SIPA1L3: variants seen among roughly 807,000 people sequenced by gnomAD.
SIPA1L3 encodes the protein signal-induced proliferation-associated 1-like protein 3.
SIPA1L3 carries 59 observed loss-of-function variants against 150.1 expected under a neutral mutation model. That is an observed-to-expected ratio of 0.39 (90% CI 0.32 to 0.49). SIPA1L3 has a LOEUF of 0.49. SIPA1L3 is among the 20% of genes least tolerant of loss of function. The pLI is 0.86. For synonymous variants in SIPA1L3, 1,070 were observed against 1,077.6 expected (o/e 0.99, Z 0.14); for missense variants, 2,211 against 2,489.5 (o/e 0.89, Z 2.38).
chr19:38,090,529 G>C (rs1970236403), intron 4 of SIPA1L3, among the ~76,000 whole-genome samples: 1 of 152,178 alleles, frequency 6.6e-6, no homozygotes, highest in South Asian at 2.1e-4. Context: ...AGAGCTCCCT[G>C]GAGGAGGAGG....
At chr19:37,983,001 C>T (rs988120543) in intron 1 of SIPA1L3, among the ~76,000 whole-genome samples, 6 of 152,222 alleles carry the variant, frequency 3.9e-5, no homozygotes, top group African/African-American at 7.2e-5. Flanking sequence ...TCTACCCCGA[C>T]ATCCCAGCCA....
At chr19:38,186,458 G>A (rs576610407) in intron 16 of SIPA1L3, among the ~76,000 whole-genome samples, 12 of 151,310 alleles carry the variant, frequency 7.9e-5, no homozygotes, top group South Asian at 4.2e-4. Flanking sequence ...GACTACATGC[G>A]CATACCACCA....
intron 12 of SIPA1L3, among the ~76,000 whole-genome samples, chr19:38,152,597 G>A (rs966453775): frequency 1.3e-4 from 20 of 152,114 alleles, no homozygotes; most frequent in Non-Finnish European, 2.8e-4. Context: ...TTAGGAACCC[G>A]CCTTGCCCCG....
At chr19:38,077,860 G>A (rs1203381765) in intron 2 of SIPA1L3, among the ~76,000 whole-genome samples, 3 of 151,422 alleles carry the variant, frequency 2.0e-5, no homozygotes, top group Non-Finnish European at 4.4e-5. Context: ...TAGTAGAGAC[G>A]GGGTTTCACC....
chr19:38,137,492 ATTTT>A (rs57123423), intron 10 of SIPA1L3, among the ~76,000 whole-genome samples: 1 of 147,548 alleles, frequency 6.8e-6, no homozygotes, highest in East Asian at 2.0e-4. Context: ...CCTGGCCCAT[ATTTT>A]TTTTTTTTTA....
At chr19:37,968,856 C>T (rs1044185059) in intron 1 of SIPA1L3, among the ~76,000 whole-genome samples, 3 of 152,144 alleles carry the variant, frequency 2.0e-5, no homozygotes, top group African/African-American at 7.2e-5. Context: ...GGTCATGTGT[C>T]CAGCTGTTAA....
intron 2 of SIPA1L3, among the ~76,000 whole-genome samples, chr19:38,076,002 G>A (rs572922365): frequency 5.7e-4 from 86 of 151,942 alleles, no homozygotes; most frequent in African/African-American, 1.9e-3. Context: ...TTAGCTGGCC[G>A]TGGTGGCGGG....
At chr19:38,118,171 A>G (rs1970932448) in intron 8 of SIPA1L3, among the ~76,000 whole-genome samples, 1 of 152,322 alleles carries the variant, frequency 6.6e-6, no homozygotes, top group South Asian at 2.1e-4. Context: ...ACTCATAAAC[A>G]TTCTACATCA....
rs767505485 is a variant in SIPA1L3 at position 38,082,793 on chromosome 19, A to C, written c.1228A>C (p.Asn410His). ...TSTEDLNCKENLEQDLGDDNS... is the reference protein window; with the variant it reads ...TSTEDLNCKEHLEQDLGDDNS... ...CACAGAGGACCTAAACTGCAAGGAG[A>C]ACTTGGAGCAGGACCTCGGCGATGA... The change falls in exon 3 of 22, where the codon AAC (asparagine) becomes CAC (histidine). Residue 410 changes from asparagine (N) to histidine (H), a missense_variant. Coordinates refer to ENST00000222345, the MANE Select transcript of SIPA1L3 (RefSeq NM_015073.3). The C allele has an allele frequency of 4.3e-6, 7 of 1,613,440 alleles. No homozygotes were observed. The highest frequency in any genetic ancestry group is 5.9e-6 in the Non-Finnish European group (7 of 1,179,878).
At chr19:38,139,162 C>T (rs986901996) in intron 10 of SIPA1L3, among the ~76,000 whole-genome samples, 3 of 152,154 alleles carry the variant, frequency 2.0e-5, no homozygotes, top group Admixed American at 1.3e-4. Flanking sequence ...CACCATTGCA[C>T]TCCAGCCTGG....
At chr19:37,957,139 A>G (rs1317257508) in intron 1 of SIPA1L3, among the ~76,000 whole-genome samples, 1 of 152,240 alleles carries the variant, frequency 6.6e-6, no homozygotes, top group Non-Finnish European at 1.5e-5. Flanking sequence ...CTATTGGTTT[A>G]AATGTCTATC....
intron 16 of SIPA1L3, among the ~76,000 whole-genome samples, chr19:38,187,715 C>CA (rs34187992): frequency 0.011 from 627 of 59,126 alleles, 4 homozygotes; most frequent in Non-Finnish European, 0.012. Flanking sequence ...GACTCCGTCT[C>CA]AAAAAAAAAA....
At chr19:38,059,753 A>G (rs73628691) in intron 2 of SIPA1L3, among the ~76,000 whole-genome samples, 9,007 of 151,958 alleles carry the variant, frequency 0.059, 915 homozygotes, top group African/African-American at 0.2. Flanking sequence ...TGGAACCCCC[A>G]TGGGCTCTGG....
At chr19:38,145,233 A>C (rs1971677448) in intron 12 of SIPA1L3, among the ~76,000 whole-genome samples, 1 of 87,714 alleles carries the variant, frequency 1.1e-5, no homozygotes, top group Non-Finnish European at 2.0e-5. Context: ...GGAAGTTGCC[A>C]AAAAAAACAT....
intron 1 of SIPA1L3, among the ~76,000 whole-genome samples, chr19:37,955,986 C>T (rs1475472778): frequency 2.6e-5 from 4 of 152,182 alleles, no homozygotes; most frequent in Non-Finnish European, 5.9e-5. Context: ...AAAGTGGCTG[C>T]GCCATTTTCA....
intron 10 of SIPA1L3, among the ~76,000 whole-genome samples, chr19:38,135,031 A>G (rs1971403688): frequency 6.6e-6 from 1 of 152,114 alleles, no homozygotes; most frequent in Non-Finnish European, 1.5e-5. Context: ...AGACGAGAAA[A>G]CCGAGGCCCA....
At chr19:38,134,575 C>T (rs1227711475) in intron 10 of SIPA1L3, among the ~76,000 whole-genome samples, 4 of 151,312 alleles carry the variant, frequency 2.6e-5, no homozygotes, top group Admixed American at 6.6e-5. Context: ...GGCATGGTAG[C>T]GTGCGCCTGT....
chr19:37,999,985 C>A (rs1225782281), intron 1 of SIPA1L3, among the ~76,000 whole-genome samples: 2 of 152,186 alleles, frequency 1.3e-5, no homozygotes, highest in African/African-American at 4.8e-5. Context: ...AGTTGCGTAA[C>A]CTCTCTGTGC....
intron 1 of SIPA1L3, among the ~76,000 whole-genome samples, chr19:37,949,331 C>T (rs573136299): frequency 6.6e-6 from 1 of 152,284 alleles, no homozygotes; most frequent in South Asian, 2.1e-4. Context: ...TAAGCATGGC[C>T]ATCCCACCCG....
Sources: allele counts gnomAD v4.1 joint callset (sites outside exome capture counted in the v4.1 genomes callset), GRCh38; gene constraint gnomAD v4.1.1; transcripts MANE v1.5; gene names NCBI Gene and HGNC (gene_info 2026-07-23, HGNC 2026-07-21).